The following DNAH11 variants were observed in gnomAD, a reference collection of about 807,000 sequenced individuals.
The protein encoded by DNAH11 is dynein axonemal heavy chain 11.
A neutral mutation model predicts 526.0 loss-of-function variants in DNAH11; 442 were observed. The ratio of observed to expected loss-of-function variants is 0.84; its 90% CI spans 0.78 to 0.91. The LOEUF is 0.91. Among genes scored for constraint, DNAH11 ranks in the 40% least tolerant of loss-of-function variants. The pLI, the probability that DNAH11 is intolerant of heterozygous loss-of-function variation, is 0.00. For missense variants in DNAH11, 6,989 were observed against 5,448.7 expected, an observed-to-expected ratio of 1.28 and a Z score of -8.90; for synonymous variants, 2,461 against 1,935.9, an observed-to-expected ratio of 1.27 and a Z score of -7.12.
chr7:21,710,820 A>C (rs1033058885), intron 41 of DNAH11, 117 bp downstream of exon 41: 4 of 1,029,180 alleles, frequency 3.9e-6, no homozygotes, highest in Non-Finnish European at 5.4e-6. Context: ...TCTTTATGTA[A>C]TTATTATTTT....
intron 25 of DNAH11, among the ~76,000 whole-genome samples, chr7:21,631,875 C>T (rs757785526): frequency 7.2e-4 from 110 of 152,330 alleles, no homozygotes; most frequent in Admixed American, 1.3e-3. Context: ...TAGTCAGTGC[C>T]CCAGTTGGGA....
chr7:21,556,185 T>G (rs1404495084), intron 2 of DNAH11, among the ~76,000 whole-genome samples: 2 of 152,202 alleles, frequency 1.3e-5, no homozygotes, highest in Non-Finnish European at 2.9e-5. Flanking sequence ...TTTCCAACAG[T>G]GAAACTTTCC....
chr7:21,897,364 C>T (rs79723054), intron 79 of DNAH11, among the ~76,000 whole-genome samples: 1 of 142,134 alleles, frequency 7.0e-6, no homozygotes, highest in Non-Finnish European at 1.6e-5. Context: ...TATAATAACA[C>T]CCTCAGTTGG....
At chr7:21,879,479 T>A (rs1039401468) in intron 74 of DNAH11, among the ~76,000 whole-genome samples, 1 of 151,536 alleles carries the variant, frequency 6.6e-6, no homozygotes, top group Non-Finnish European at 1.5e-5. Flanking sequence ...AAAAAAAACC[T>A]CACAGGTCTA....
intron 54 of DNAH11, among the ~76,000 whole-genome samples, chr7:21,761,664 A>G (rs1786922659): frequency 6.6e-6 from 1 of 152,182 alleles, no homozygotes; most frequent in Non-Finnish European, 1.5e-5. Flanking sequence ...ACCAGCTCCT[A>G]GACAGTTCTT....
chr7:21,831,396 C>A (rs1053098034), intron 65 of DNAH11, among the ~76,000 whole-genome samples: 3 of 151,934 alleles, frequency 2.0e-5, no homozygotes, highest in Non-Finnish European at 4.4e-5. Context: ...GGAAATTAAC[C>A]AAAAATTAAT....
At chr7:21,608,842 G>GAT (rs10636710) in intron 20 of DNAH11, among the ~76,000 whole-genome samples, 4 of 152,218 alleles carry the variant, frequency 2.6e-5, no homozygotes, top group Admixed American at 2.0e-4. Flanking sequence ...GTCAGAGACT[G>GAT]TACGCTTATA....
At chr7:21,746,471 T>C (rs1786157286) in intron 51 of DNAH11, among the ~76,000 whole-genome samples, 1 of 151,704 alleles carries the variant, frequency 6.6e-6, no homozygotes, top group Non-Finnish European at 1.5e-5. Flanking sequence ...GGTGTGGTGG[T>C]ATGTGCCTGT....
intron 2 of DNAH11, among the ~76,000 whole-genome samples, chr7:21,557,136 T>C (rs1342056766): frequency 6.6e-6 from 1 of 152,096 alleles, no homozygotes. Context: ...ACCTAAACTC[T>C]TCAGCCTGTT....
intron 25 of DNAH11, among the ~76,000 whole-genome samples, chr7:21,628,995 G>C (rs956695103): frequency 1.6e-4 from 24 of 152,074 alleles, no homozygotes; most frequent in African/African-American, 5.5e-4. Flanking sequence ...TGTATTGTTA[G>C]GTTGTTGATT....
At chr7:21,809,656 G>A (rs112182898) in intron 63 of DNAH11, among the ~76,000 whole-genome samples, 5,205 of 151,870 alleles carry the variant, frequency 0.034, 285 homozygotes, top group African/African-American at 0.11. Flanking sequence ...CTCCGCCCCC[G>A]AGGTTCAAGT....
Position 21,543,142 on chromosome 7 carries a change from CGGA to C in DNAH11, c.-98_-96del, listed in dbSNP as rs1379063215. 1.4e-6 allele frequency: 2 copies of C among 1,434,208 alleles called. No individual in the cohort carries two copies. The allele number at this position is 1,434,208 out of a possible 1,614,324, so 88.8% of individuals were successfully genotyped here. On this transcript the variant is annotated 5_prime_UTR_variant, in exon 1 of 82. Transcript: ENST00000409508. ...CTAGGGTCTGCGCTCGCGGCGACCG[CGGA>C]GGAGGGTGGGCGCCTGCGGAGGTGT...
At position 21,570,298 on chromosome 7, in the gene DNAH11, AG is replaced by A. The variant is rs1227751961; in HGVS notation, c.1425+1del. 6.3e-7 allele frequency: 1 copy of A among 1,587,454 alleles called. No individual in the cohort carries two copies. Among genetic ancestry groups the A allele is most frequent in the Admixed American group, 1.8e-5 (1 of 54,056 alleles). ...DKFLDRLIKIEDIFATTLEFE... is the reference protein window; with the variant it reads ...DKFLDRLIKIXDIFATTLEFE... ...TTTCTTGATCGTTTAATAAAAATAG[AG>A]GTATTCATTTTTTGATTTTATTTAT... On this transcript the variant is annotated frameshift_variant and splice_region_variant, in exon 7 of 82. Coordinates refer to ENST00000409508, the MANE Select transcript of DNAH11 (RefSeq NM_001277115.2). LOFTEE classifies it high-confidence loss of function.
chr7:21,749,751 A>G lies in DNAH11; in HGVS notation c.8747A>G (p.Gln2916Arg), dbSNP rs1278272571. ...MPTVFLLTDA[Q>R]VLDESFLVLI... ...ACTGTGTTCCTGCTGACAGATGCCC[A>G]GGTTCTAGATGAGAGCTTCCTCGTG... The change falls in exon 53 of 82, where the codon CAG (glutamine) becomes CGG (arginine). Residue 2916 changes from glutamine (Q) to arginine (R), a missense_variant. Physicochemically the swap from Gln to Arg is conservative, Grantham distance 43. Transcript: ENST00000409508. 9.9e-6 allele frequency: 16 copies of G among 1,613,888 alleles called. No homozygotes were observed. The highest frequency in any genetic ancestry group is 1.3e-5 in the Non-Finnish European group (15 of 1,179,878).
chr7:21,747,194 T>C (rs1267720812), intron 51 of DNAH11, among the ~76,000 whole-genome samples: 1 of 152,182 alleles, frequency 6.6e-6, no homozygotes, highest in African/African-American at 2.4e-5. Context: ...CATGTCAGAG[T>C]AATTTTATAG....
chr7:21,790,367 G>A (rs1000854409), intron 61 of DNAH11, among the ~76,000 whole-genome samples: 8 of 151,938 alleles, frequency 5.3e-5, no homozygotes, highest in South Asian at 2.1e-4. Context: ...GGAGAATGGC[G>A]TGAACCCAGG....
Position 21,620,086 on chromosome 7 carries a change from G to A in DNAH11, c.4500+8G>A. ...ACTCTAGAGCACAACCAAGTAAGAT[G>A]GATATTTTTATTGCATATATTTTTC... On this transcript the variant is annotated splice_region_variant and intron_variant, in intron 25 of 81. Transcript: ENST00000409508. The A allele has an allele frequency of 1.9e-6, 3 of 1,559,562 alleles. No individual in the cohort carries two copies. The highest frequency in any genetic ancestry group is 1.4e-5 in the African/African-American group (1 of 72,128).
intron 79 of DNAH11, among the ~76,000 whole-genome samples, chr7:21,896,060 A>G (rs1784505063): frequency 6.6e-6 from 1 of 152,190 alleles, no homozygotes; most frequent in Non-Finnish European, 1.5e-5. Context: ...ACAATGTTAG[A>G]GCCTTCAGCT....
chr7:21,564,447 G>C, intron 6 of DNAH11, 50 bp downstream of exon 6: 1 of 1,396,978 alleles, frequency 7.2e-7, no homozygotes, highest in East Asian at 2.3e-5. Context: ...CTGTGAGGTA[G>C]GTTTTACGAG....
Sources: allele counts gnomAD v4.1 joint callset (sites outside exome capture counted in the v4.1 genomes callset), GRCh38; gene constraint gnomAD v4.1.1; transcripts MANE v1.5; gene names NCBI Gene and HGNC (gene_info 2026-07-23, HGNC 2026-07-21).